The following TENM3 variants were observed in gnomAD, a reference collection of about 807,000 sequenced individuals.
The protein encoded by TENM3 is teneurin transmembrane protein 3, also known as teneurin-3.
In TENM3, 63 loss-of-function variants were observed where a neutral mutation model predicts 255.1. The ratio of observed to expected loss-of-function variants is 0.25; its 90% confidence interval spans 0.20 to 0.30. The LOEUF (loss-of-function observed/expected upper bound fraction) is 0.30, where lower values mean the gene tolerates loss of function less well. Ranked by LOEUF, TENM3 falls within the 10% of genes least tolerant of loss-of-function variation. The pLI is 1.00. For synonymous variants in TENM3, 1,306 were observed against 1,322.3 expected, an observed-to-expected ratio of 0.99 and a Z score of 0.27; for missense variants, 2,929 against 3,461.1, an observed-to-expected ratio of 0.85 and a Z score of 3.86.
In TENM3 at chr4:182,160,977, A is replaced by T. The variant is rs1751110261; in HGVS notation, c.-76+16223A>T. On this transcript the variant is annotated intron_variant, in intron 1 of 2. Coordinates refer to the TENM3 transcript ENST00000512480. Reference sequence around the variant, plus strand: ...TTGTCAATTAAAAATATAATCTAAAAATATTAAAAATATATGATGCAGGCC... The same window carrying T: ...TTGTCAATTAAAAATATAATCTAAATATATTAAAAATATATGATGCAGGCC... Among the ~76,000 whole-genome samples, 3 of 152,224 alleles carry T rather than the reference A, an allele frequency of 2.0e-5. No individual in the cohort carries two copies. In the South Asian group the frequency reaches 6.2e-4, roughly 32 times the overall value.
chr4:181,784,275 T>C, the TENM3 span, among the ~76,000 whole-genome samples: 3 of 152,050 alleles, frequency 2.0e-5, no homozygotes. Context: ...CACATATGAG[T>C]GACAAGTTCT....
chr4:182,794,033 T>C (rs1766308734), intron 26 of TENM3, 148 bp downstream of exon 26: 2 of 730,172 alleles, frequency 2.7e-6, no homozygotes, highest in Non-Finnish European at 4.4e-6. Flanking sequence ...TATTTCTTTA[T>C]GGAACCATAG....
chr4:181,606,437 T>TTGCA, the TENM3 span, among the ~76,000 whole-genome samples: 1 of 152,158 alleles, frequency 6.6e-6, no homozygotes, highest in Non-Finnish European at 1.5e-5. Flanking sequence ...AGAATGCCCT[T>TTGCA]TAATCTACTC....
chr4:181,573,357 A>C, the TENM3 span, among the ~76,000 whole-genome samples: 1 of 152,108 alleles, frequency 6.6e-6, no homozygotes, highest in Admixed American at 6.6e-5. Flanking sequence ...CATTCCCACC[A>C]AGAGTGTACA....
chr4:182,094,837 G>T, the TENM3 span, among the ~76,000 whole-genome samples: 1 of 149,790 alleles, frequency 6.7e-6, no homozygotes, highest in Non-Finnish European at 1.5e-5. Context: ...CTTCAGGAAA[G>T]AATCGGAAAT....
At chr4:182,658,597 A>G (rs4540090) in intron 6 of TENM3, among the ~76,000 whole-genome samples, 3,165 of 152,318 alleles carry the variant, frequency 0.021, 66 homozygotes, top group East Asian at 0.06. Context: ...CGTGTCTAAA[A>G]CAGAACCCAT....
chr4:182,330,635 T>C (rs1458240076), intron 2 of TENM3, among the ~76,000 whole-genome samples: 2 of 152,214 alleles, frequency 1.3e-5, no homozygotes, highest in Non-Finnish European at 2.9e-5. Flanking sequence ...ACTTAGGTAA[T>C]GCTGGGATTC....
chr4:182,034,621 T>C, the TENM3 span, among the ~76,000 whole-genome samples: 1 of 152,180 alleles, frequency 6.6e-6, no homozygotes, highest in Non-Finnish European at 1.5e-5. Context: ...TGGAAAGGTT[T>C]TGTTTCTCCT....
chr4:182,234,444 A>T (rs1305158117), intron 1 of TENM3, among the ~76,000 whole-genome samples: 2 of 152,226 alleles, frequency 1.3e-5, no homozygotes, highest in Non-Finnish European at 2.9e-5. Flanking sequence ...AAATAGAAAT[A>T]AAACACAGCC....
chr4:182,423,299 T>G (rs1046525537), intron 3 of TENM3, among the ~76,000 whole-genome samples: 1 of 152,198 alleles, frequency 6.6e-6, no homozygotes, highest in African/African-American at 2.4e-5. Context: ...AAAGAAAATA[T>G]TAGTCACTCC....
the TENM3 span, among the ~76,000 whole-genome samples, chr4:181,543,920 A>G: frequency 6.6e-6 from 1 of 152,198 alleles, no homozygotes; most frequent in Non-Finnish European, 1.5e-5. Context: ...AGAAAAAAAT[A>G]TAATTTTCTC....
intron 2 of TENM3, among the ~76,000 whole-genome samples, chr4:182,335,961 A>AATCCCAAATTCTAC (rs1485170373): frequency 2.6e-5 from 4 of 152,204 alleles, no homozygotes; most frequent in Non-Finnish European, 5.9e-5. Flanking sequence ...GGCGGTAGCT[A>AATCCCAAATTCTAC]ATCCCAAATT....
chr4:182,695,698 A>G (rs890914871), intron 12 of TENM3, among the ~76,000 whole-genome samples: 10 of 152,198 alleles, frequency 6.6e-5, no homozygotes, highest in Non-Finnish European at 1.0e-4. Context: ...GCAAGTAGGT[A>G]TTGGAGGAGA....
the TENM3 span, among the ~76,000 whole-genome samples, chr4:181,728,373 A>T: frequency 6.6e-6 from 1 of 152,222 alleles, no homozygotes; most frequent in Non-Finnish European, 1.5e-5. Context: ...CAGGCAGAGC[A>T]GCAACATGGG....
At chr4:182,676,305 T>C (rs1011895540) in intron 7 of TENM3, among the ~76,000 whole-genome samples, 6 of 152,226 alleles carry the variant, frequency 3.9e-5, no homozygotes, top group East Asian at 1.9e-4. Context: ...CAGAGCCTTA[T>C]GGTGAAGTAT....
chr4:181,843,131 T>C, the TENM3 span, among the ~76,000 whole-genome samples: 1 of 152,218 alleles, frequency 6.6e-6, no homozygotes, highest in Non-Finnish European at 1.5e-5. Context: ...AGCAGCTTTA[T>C]GACTTTTGAC....
At chr4:181,525,062 GT>G in the TENM3 span, among the ~76,000 whole-genome samples, 1 of 152,176 alleles carries the variant, frequency 6.6e-6, no homozygotes, top group Admixed American at 6.5e-5. Context: ...TTTTTAAGCA[GT>G]TTTTTAAAAA....
At chr4:181,815,176 G>C in the TENM3 span, among the ~76,000 whole-genome samples, 2 of 152,060 alleles carry the variant, frequency 1.3e-5, no homozygotes, top group African/African-American at 2.4e-5. Flanking sequence ...AGGAAGCCAG[G>C]CATGGTGGCT....
intron 3 of TENM3, among the ~76,000 whole-genome samples, chr4:182,493,002 A>G (rs1040505271): frequency 3.9e-5 from 6 of 152,084 alleles, no homozygotes; most frequent in African/African-American, 1.4e-4. Context: ...ATATTTTTCT[A>G]TAATTTTATG....
Sources: allele counts gnomAD v4.1 joint callset (sites outside exome capture counted in the v4.1 genomes callset), GRCh38; gene constraint gnomAD v4.1.1; transcripts MANE v1.5; gene names NCBI Gene and HGNC (gene_info 2026-07-23, HGNC 2026-07-21).